The following BCOR variants were observed in gnomAD, a reference collection of about 807,000 sequenced individuals.
BCOR encodes the protein BCL6 corepressor, also known as BCL-6 corepressor.
Under a neutral mutation model 86.7 loss-of-function variants are expected in BCOR, and 10 were observed. That is an observed-to-expected ratio of 0.12 (90% CI 0.07 to 0.20). The LOEUF (loss-of-function observed/expected upper bound fraction) is 0.20, where lower values mean the gene tolerates loss of function less well. Ranked by LOEUF, BCOR falls within the 10% of genes least tolerant of loss-of-function variation. The pLI, the probability that BCOR is intolerant of heterozygous loss-of-function variation, is 1.00. For missense variants in BCOR, 1,259 were observed against 1,452.1 expected (o/e 0.87, Z 2.16); for synonymous variants, 611 against 609.0 (o/e 1.00, Z -0.05).
Position 40,077,960 on chromosome X carries a change from A to G in BCOR, c.-31T>C. Reference sequence around the variant, plus strand: ...CTTCTGGGATGGCAGCTTTGCTTCAAGCGTCTAGTCTGTTAAAAGGAAAGA... The same window carrying G: ...CTTCTGGGATGGCAGCTTTGCTTCAGGCGTCTAGTCTGTTAAAAGGAAAGA... On this transcript the variant is annotated 5_prime_UTR_variant, in exon 2 of 15. Transcript: ENST00000378444. 1 of 1,137,681 alleles carries G rather than the reference A, an allele frequency of 8.8e-7. No individual in the cohort carries two copies. The highest frequency in any genetic ancestry group is 1.2e-6 in the Non-Finnish European group (1 of 827,493). 93.8% of individuals were successfully genotyped at this position (1,137,681 alleles called of 1,213,427 possible). A position where few individuals can be genotyped will look rare whatever the true frequency, so the allele number is the denominator to read the frequency against.
chrX:40,072,026 T>C (rs1254933806), intron 4 of BCOR: 4 of 397,818 alleles, frequency 1.0e-5, no homozygotes, highest in Non-Finnish European at 1.7e-5. Flanking sequence ...GTATATTTGC[T>C]ATCTTACAGG....
At chrX:40,099,991 A>G (rs1228617605), upstream of BCOR, among the ~76,000 whole-genome samples, 6 of 111,824 alleles carry the variant, frequency 5.4e-5, no homozygotes, top group Non-Finnish European at 1.1e-4. Flanking sequence ...TCTGCAAGCC[A>G]ACCCACACAT....
chrX:40,152,541 C>T (rs1475911218), intron 1 of BCOR, among the ~76,000 whole-genome samples: 2 of 113,116 alleles, frequency 1.8e-5, no homozygotes, highest in African/African-American at 6.4e-5. Flanking sequence ...TGTAAACAGC[C>T]GCGTGCACGC....
At chrX:40,135,536 T>C (rs754615441) in intron 1 of BCOR, among the ~76,000 whole-genome samples, 49 of 111,232 alleles carry the variant, frequency 4.4e-4, no homozygotes, top group Non-Finnish European at 7.7e-4. Flanking sequence ...ATTACAGGCG[T>C]GTACCACCAT....
At chrX:40,076,368 C>G in intron 3 of BCOR, 86 bp downstream of exon 3, 1 of 799,701 alleles carries the variant, frequency 1.3e-6, no homozygotes, top group South Asian at 2.1e-5. Flanking sequence ...CCATTCCCCA[C>G]CCTTTAAGGG....
chrX:40,149,416 G>C (rs1469605283), intron 1 of BCOR, among the ~76,000 whole-genome samples: 1 of 111,335 alleles, frequency 9.0e-6, no homozygotes, highest in Non-Finnish European at 1.9e-5. Context: ...AACACAACCA[G>C]CTCTTCTAAA....
At chrX:40,108,706 G>C in intron 1 of BCOR, among the ~76,000 whole-genome samples, 1 of 113,272 alleles carries the variant, frequency 8.8e-6, no homozygotes. Context: ...CTCTCCACAG[G>C]AGAGCGTCCC....
At chrX:40,119,273 C>G (rs367896538) in intron 1 of BCOR, among the ~76,000 whole-genome samples, 1 of 105,299 alleles carries the variant, frequency 9.5e-6, no homozygotes, top group Non-Finnish European at 2.0e-5. Flanking sequence ...GTGGTGGTGC[C>G]GGTGGGGGGT....
At chrX:40,150,218 T>C (rs937046867) in intron 1 of BCOR, among the ~76,000 whole-genome samples, 17 of 112,090 alleles carry the variant, frequency 1.5e-4, no homozygotes, top group African/African-American at 5.5e-4. Context: ...AATAAACATC[T>C]TTGAGAGGAT....
intron 10 of BCOR, among the ~76,000 whole-genome samples, chrX:40,058,647 G>A (rs892710269): frequency 8.9e-6 from 1 of 111,861 alleles, no homozygotes; most frequent in Non-Finnish European, 1.9e-5. Context: ...TGAACCTAAG[G>A]CTGCACGCTG....
Position 40,056,281 on chromosome X carries a change from T to TAAA in BCOR, c.4596-771_4596-769dup, listed in dbSNP as rs60712024. On this transcript the variant is annotated intron_variant, in intron 11 of 14. Transcript: ENST00000378444. ...AATACAACAAGCAACTGTCACACAT[T>TAAA]AAAAAAAAAAAAAAAAAAAAGCCAC... Among the ~76,000 whole-genome samples the TAAA allele has an allele frequency of 1.4e-3, 84 of 61,430 alleles. 2 individuals carry two copies. Among genetic ancestry groups the TAAA allele is most frequent in the African/African-American group, 5.4e-3 (79 of 14,592 alleles). 53.3% of individuals were successfully genotyped at this position (61,430 alleles called of 115,157 possible).
intron 1 of BCOR, among the ~76,000 whole-genome samples, chrX:40,144,077 G>A (rs1419016353): frequency 9.7e-6 from 1 of 102,862 alleles, no homozygotes; most frequent in East Asian, 3.0e-4. Context: ...GAGACCTGGA[G>A]GGGAAGAGGG....
chrX:40,152,762 G>A (rs1042353682), intron 1 of BCOR, among the ~76,000 whole-genome samples: 1 of 112,590 alleles, frequency 8.9e-6, no homozygotes, highest in African/African-American at 3.2e-5. Context: ...CTCACTGAAT[G>A]TCTGCTTTGT....
At chrX:40,164,871 A>G (rs773582811) in intron 1 of BCOR, among the ~76,000 whole-genome samples, 2 of 112,347 alleles carry the variant, frequency 1.8e-5, no homozygotes, top group African/African-American at 3.2e-5. Flanking sequence ...AAATGCCATG[A>G]GCTTCCATTC....
At position 40,080,965 on chromosome X, in the gene BCOR, ACGCACACGCGCACACACACACGCG is replaced by A. The variant is rs1241667970; in HGVS notation, c.-40-3020_-40-2997del. ...TGGACTTACGCACACACGTGCACGC[ACGCACACGCGCACACACACACGCG>A]CACACACACACACACTTATAATCTT... On this transcript the variant is annotated intron_variant, in intron 1 of 14. Transcript: ENST00000378444. Among the ~76,000 whole-genome samples, 242 of 60,048 alleles carry A rather than the reference ACGCACACGCGCACACACACACGCG, an allele frequency of 4.0e-3. 1 individual carries two copies. The highest frequency in any genetic ancestry group is 0.015 in the African/African-American group (242 of 16,426). The allele number at this position is 60,048 out of a possible 115,157, so 52.1% of individuals were successfully genotyped here.
intron 8 of BCOR, 39 bp from the exon 9 acceptor site, chrX:40,063,110 G>GGGGGGGA: frequency 1.6e-6 from 1 of 644,555 alleles, no homozygotes; most frequent in Non-Finnish European, 2.2e-6. Flanking sequence ...GGGCGGATGG[G>GGGGGGGA]AGACGGGAGA....
At chrX:40,061,637 C>G (rs994959569) in intron 10 of BCOR, among the ~76,000 whole-genome samples, 7 of 102,848 alleles carry the variant, frequency 6.8e-5, no homozygotes, top group Admixed American at 3.1e-4. Context: ...TACTGTACCC[C>G]CCCACTCAGA....
At chrX:40,176,793 C>T (rs1052456326) in intron 1 of BCOR, among the ~76,000 whole-genome samples, 1 of 112,052 alleles carries the variant, frequency 8.9e-6, no homozygotes. Context: ...CGGCCCGGCC[C>T]TTGTCCCAGC....
chrX:40,152,030 G>A (rs1454958970), intron 1 of BCOR, among the ~76,000 whole-genome samples: 1 of 111,826 alleles, frequency 8.9e-6, no homozygotes, highest in African/African-American at 3.3e-5. Context: ...AGAAGGCCTG[G>A]CGCTCGTGGG....
Sources: allele counts gnomAD v4.1 joint callset (sites outside exome capture counted in the v4.1 genomes callset), GRCh38; gene constraint gnomAD v4.1.1; transcripts MANE v1.5; gene names NCBI Gene and HGNC (gene_info 2026-07-23, HGNC 2026-07-21).